THEMIS: variants seen among roughly 807,000 people sequenced by gnomAD.
The protein encoded by THEMIS is protein THEMIS.
In THEMIS, 37 loss-of-function variants were observed where a neutral mutation model predicts 52.6. The observed-to-expected ratio is 0.70, with a 90% CI of 0.54 to 0.93. The LOEUF (loss-of-function observed/expected upper bound fraction) is 0.93, where lower values mean the gene tolerates loss of function less well. Ranked by LOEUF, THEMIS falls within the 40% of genes least tolerant of loss-of-function variation. The pLI is 0.00. For synonymous variants in THEMIS, 292 were observed against 272.7 expected, an observed-to-expected ratio of 1.07 and a Z score of -0.70; for missense variants, 808 against 763.1, an observed-to-expected ratio of 1.06 and a Z score of -0.69.
At chr6:127,837,762 A>T (rs1278893944) in intron 2 of THEMIS, among the ~76,000 whole-genome samples, 1 of 152,080 alleles carries the variant, frequency 6.6e-6, no homozygotes, top group Non-Finnish European at 1.5e-5. Flanking sequence ...ACAGAGAGAT[A>T]AAAATGTTTT....
At chr6:127,719,336 T>G (rs1233797612) in intron 5 of THEMIS, among the ~76,000 whole-genome samples, 1 of 151,962 alleles carries the variant, frequency 6.6e-6, no homozygotes, top group East Asian at 1.9e-4. Context: ...TTAAAACATC[T>G]CAATTATTTT....
the THEMIS span, among the ~76,000 whole-genome samples, chr6:127,701,509 G>A: frequency 6.6e-6 from 1 of 152,070 alleles, no homozygotes; most frequent in African/African-American, 2.4e-5. Context: ...CATTGTACAT[G>A]TCTTATTGGT....
chr6:127,803,583 C>T lies in THEMIS; in HGVS notation c.1758+9300G>A, dbSNP rs79273788. Reference sequence around the variant, plus strand: ...TCAATATGGTATTCAAATTAATAGTCCTAAGTTCTACTCCTATTCTTAGTT... The same window carrying T: ...TCAATATGGTATTCAAATTAATAGTTCTAAGTTCTACTCCTATTCTTAGTT... On this transcript the variant is annotated intron_variant, in intron 4 of 5. Transcript: ENST00000368248. 8.3e-4 allele frequency among the ~76,000 whole-genome samples: 127 copies of T among 152,186 alleles called. 1 individual carries two copies. In the East Asian group the frequency reaches 0.022, roughly 26 times the overall value.
chr6:127,812,808 CA>C, intron 4 of THEMIS, 74 bp downstream of exon 4: 8 of 1,424,596 alleles, frequency 5.6e-6, no homozygotes, highest in Non-Finnish European at 7.6e-6. Context: ...AAGCAAAACA[CA>C]CTCAGAAAAG....
At chr6:127,873,179 TCA>T (rs1452668067) in intron 1 of THEMIS, among the ~76,000 whole-genome samples, 1 of 152,196 alleles carries the variant, frequency 6.6e-6, no homozygotes, top group Non-Finnish European at 1.5e-5. Context: ...CTGTTTTCAT[TCA>T]TTGAAAGTCT....
chr6:127,818,343 A>G (rs970204499), intron 3 of THEMIS, among the ~76,000 whole-genome samples: 3 of 152,158 alleles, frequency 2.0e-5, no homozygotes, highest in African/African-American at 4.8e-5. Context: ...GTGCTCCTGT[A>G]TAATAACAGG....
In THEMIS at chr6:127,813,387, T is replaced by C. The variant is rs1364907936; in HGVS notation, c.1254A>G (p.Lys418=). Residue 418 remains lysine (K), a synonymous_variant, in exon 4 of 6, where the codon AAA becomes AAG. Transcript: ENST00000368248. The part of the protein sequence containing the change: ...VNVLACEKIL[K]KSYEAALLPL... ...GGAGCAGCGCAGCCTCATAGGACTT[T>C]TTGAGGATTTTTTCACAGGCCAGAA... The C allele has an allele frequency of 6.2e-7, 1 of 1,613,716 alleles. No homozygotes were observed. The highest frequency in any genetic ancestry group is 1.1e-5 in the South Asian group (1 of 91,038).
chr6:127,718,667 G>A (rs1008786765), intron 5 of THEMIS, among the ~76,000 whole-genome samples: 2 of 151,910 alleles, frequency 1.3e-5, no homozygotes, highest in Non-Finnish European at 2.9e-5. Context: ...AATTTTCACT[G>A]CAGTGGTTGT....
chr6:127,771,306 A>C (rs1301744333), intron 4 of THEMIS, among the ~76,000 whole-genome samples: 2 of 152,200 alleles, frequency 1.3e-5, no homozygotes, highest in Non-Finnish European at 2.9e-5. Flanking sequence ...CATGGATAGG[A>C]AGAATCAGTA....
chr6:127,763,889 C>T (rs931274028), intron 4 of THEMIS, among the ~76,000 whole-genome samples: 2 of 151,722 alleles, frequency 1.3e-5, no homozygotes, highest in Admixed American at 6.6e-5. Flanking sequence ...TTTTTTGATA[C>T]AGTTACTAGG....
chr6:127,788,245 C>T (rs1198519528), intron 4 of THEMIS, among the ~76,000 whole-genome samples: 1 of 152,192 alleles, frequency 6.6e-6, no homozygotes, highest in Non-Finnish European at 1.5e-5. Context: ...CCTACTTTAA[C>T]CAAGTTTGCC....
chr6:127,859,830 C>A (rs1779737343), intron 1 of THEMIS, among the ~76,000 whole-genome samples: 1 of 152,078 alleles, frequency 6.6e-6, no homozygotes, highest in Admixed American at 6.6e-5. Flanking sequence ...GAAATTATAT[C>A]TGCAAAGTAT....
chr6:127,880,725 T>C (rs1216306137), intron 1 of THEMIS, among the ~76,000 whole-genome samples: 1 of 152,132 alleles, frequency 6.6e-6, no homozygotes. Flanking sequence ...GAGTCCTATC[T>C]ATTTTTTGTA....
chr6:127,886,574 A>G (rs1780651683), intron 1 of THEMIS, among the ~76,000 whole-genome samples: 1 of 152,078 alleles, frequency 6.6e-6, no homozygotes, highest in Admixed American at 6.6e-5. Context: ...TATAAGTCTG[A>G]CATTTGTAGG....
chr6:127,912,414 C>T (rs1781433222), intron 1 of THEMIS, among the ~76,000 whole-genome samples: 1 of 152,160 alleles, frequency 6.6e-6, no homozygotes, highest in Non-Finnish European at 1.5e-5. Flanking sequence ...TGACTAACTC[C>T]ATCTTGCTTC....
chr6:127,871,014 C>A (rs1198161213), intron 1 of THEMIS, among the ~76,000 whole-genome samples: 1 of 152,142 alleles, frequency 6.6e-6, no homozygotes, highest in Non-Finnish European at 1.5e-5. Flanking sequence ...TTATAGAACA[C>A]TTTACCTAAC....
At chr6:127,757,677 G>T (rs901169860) in intron 4 of THEMIS, among the ~76,000 whole-genome samples, 2 of 152,012 alleles carry the variant, frequency 1.3e-5, no homozygotes, top group East Asian at 3.9e-4. Flanking sequence ...TAGAGACGGG[G>T]TTTCACCTTG....
intron 3 of THEMIS, among the ~76,000 whole-genome samples, chr6:127,826,674 C>T (rs1778518007): frequency 6.6e-6 from 1 of 152,236 alleles, no homozygotes; most frequent in African/African-American, 2.4e-5. Context: ...AAATAGCTCA[C>T]TCAATTTTTT....
intron 2 of THEMIS, among the ~76,000 whole-genome samples, chr6:127,847,316 TC>T (rs1779252441): frequency 6.6e-6 from 1 of 151,922 alleles, no homozygotes; most frequent in African/African-American, 2.4e-5. Context: ...ATAAAGGGCA[TC>T]CAAATTGGAA....
Sources: gnomAD v4.1 joint callset for allele counts (sites outside exome capture counted in the v4.1 genomes callset) on GRCh38, gnomAD v4.1.1 for gene constraint, MANE v1.5 for transcripts, NCBI Gene and HGNC (gene_info 2026-07-23, HGNC 2026-07-21) for gene names.